The following ZFYVE28 variants were observed in gnomAD, a reference collection of about 807,000 sequenced individuals.
ZFYVE28 encodes the protein zinc finger FYVE-type containing 28, also known as lateral signaling target protein 2 homolog.
A neutral mutation model predicts 82.1 loss-of-function variants in ZFYVE28; 40 were observed. The ratio of observed to expected loss-of-function variants is 0.49; its 90% confidence interval spans 0.38 to 0.63. The LOEUF is 0.63. Among genes scored for constraint, ZFYVE28 ranks in the 30% least tolerant of loss-of-function variants. ZFYVE28 has a pLI of 0.00. For missense variants in ZFYVE28, 1,321 were observed against 1,242.1 expected, an observed-to-expected ratio of 1.06 and a Z score of -0.96; for synonymous variants, 612 against 546.1, an observed-to-expected ratio of 1.12 and a Z score of -1.68.
intron 1 of ZFYVE28, among the ~76,000 whole-genome samples, chr4:2,368,159 C>T (rs1356809243): frequency 7.3e-6 from 1 of 136,990 alleles, no homozygotes; most frequent in African/African-American, 2.8e-5. Flanking sequence ...GGGAGGAGCA[C>T]TTGAGGCCAG....
intron 7 of ZFYVE28, among the ~76,000 whole-genome samples, chr4:2,308,623 A>AAGACAGAC (rs1224983484): frequency 2.0e-5 from 2 of 98,668 alleles, no homozygotes; most frequent in African/African-American, 7.6e-5. Context: ...AGAAAGAAAG[A>AAGACAGAC]AGACAGAAAG....
At chr4:2,384,258 T>C (rs535953964) in intron 1 of ZFYVE28, among the ~76,000 whole-genome samples, 1 of 152,348 alleles carries the variant, frequency 6.6e-6, no homozygotes, top group Non-Finnish European at 1.5e-5. Flanking sequence ...AGAAACTTTC[T>C]GGAAGGAATT....
chr4:2,393,828 C>G (rs1275091587), intron 1 of ZFYVE28, among the ~76,000 whole-genome samples: 2 of 152,156 alleles, frequency 1.3e-5, no homozygotes, highest in African/African-American at 4.8e-5. Context: ...TGTGCGTGTC[C>G]CCAGGAGGCG....
At chr4:2,330,297 AAC>A (rs1163808612) in intron 6 of ZFYVE28, 13 of 988,878 alleles carry the variant, frequency 1.3e-5, no homozygotes, top group Admixed American at 5.8e-5. Flanking sequence ...AAAAATAAAT[AAC>A]AGAGTAAGTC....
intron 1 of ZFYVE28, among the ~76,000 whole-genome samples, chr4:2,379,565 C>T (rs780185963): frequency 6.6e-5 from 10 of 152,162 alleles, no homozygotes; most frequent in Non-Finnish European, 8.8e-5. Context: ...CTGACTGCCC[C>T]TCCTTAATAA....
chr4:2,379,625 C>G (rs1017495127), intron 1 of ZFYVE28, among the ~76,000 whole-genome samples: 2 of 152,186 alleles, frequency 1.3e-5, no homozygotes, highest in Admixed American at 1.3e-4. Context: ...CCTCTGCCAA[C>G]TCGAATTCAC....
At chr4:2,321,623 A>G (rs573160700) in intron 6 of ZFYVE28, among the ~76,000 whole-genome samples, 1 of 152,236 alleles carries the variant, frequency 6.6e-6, no homozygotes, top group Admixed American at 6.5e-5. Flanking sequence ...TTACCCAAAT[A>G]GAGCCTTAAC....
At chr4:2,398,639 A>G (rs1053098215) in intron 1 of ZFYVE28, among the ~76,000 whole-genome samples, 2 of 149,786 alleles carry the variant, frequency 1.3e-5, no homozygotes, top group South Asian at 2.2e-4. Context: ...TCCAGCACAC[A>G]AGGCGGGGGC....
At chr4:2,279,474 G>C (rs1711603963) in intron 8 of ZFYVE28, among the ~76,000 whole-genome samples, 1 of 151,956 alleles carries the variant, frequency 6.6e-6, no homozygotes. Flanking sequence ...AGTGAAAGAA[G>C]CCAGTCACAA....
intron 1 of ZFYVE28, among the ~76,000 whole-genome samples, chr4:2,361,958 A>T (rs1263424581): frequency 6.6e-6 from 1 of 151,984 alleles, no homozygotes; most frequent in Non-Finnish European, 1.5e-5. Context: ...GCCAGAGAGG[A>T]CCAGCCCCGC....
In ZFYVE28 at chr4:2,394,783, G is replaced by A. The variant is rs1730254421; in HGVS notation, c.39+23502C>T. The stretch of plus-strand genomic sequence containing the variant: ...GCTTCCATTACACTGTCGGCGGTCA[G>A]AGGCGTCCTCGTCCTTGCAGCAACC... On this transcript the variant is annotated intron_variant, in intron 1 of 12. Transcript: ENST00000290974. This position sits in a 1 kb window ranked among gnomAD's most constrained non-coding sequence, Gnocchi z 4.0. 6.6e-6 allele frequency among the ~76,000 whole-genome samples: 1 copy of A among 152,252 alleles called. No homozygotes were observed. The highest frequency in any genetic ancestry group is 6.5e-5 in the Admixed American group (1 of 15,290).
chr4:2,374,502 A>T (rs756354093), intron 1 of ZFYVE28, among the ~76,000 whole-genome samples: 12 of 152,168 alleles, frequency 7.9e-5, no homozygotes, highest in Admixed American at 1.3e-4. Context: ...AGTCCCAGCC[A>T]CTAGGGAGGC....
At chr4:2,272,976 C>T (rs1736048056) in intron 10 of ZFYVE28, among the ~76,000 whole-genome samples, 197 bp downstream of exon 10, 1 of 152,214 alleles carries the variant, frequency 6.6e-6, no homozygotes, top group Non-Finnish European at 1.5e-5. Context: ...TGCTGCTGTG[C>T]CCCTTGGCTC....
At chr4:2,286,962 A>T (rs899787924) in intron 8 of ZFYVE28, 2 of 152,252 alleles carry the variant, frequency 1.3e-5, no homozygotes, top group South Asian at 2.1e-4. Flanking sequence ...ACCAACTCCA[A>T]TAAATATCCT....
chr4:2,364,228 AC>A (rs1466466005), intron 1 of ZFYVE28, among the ~76,000 whole-genome samples: 1 of 151,994 alleles, frequency 6.6e-6, no homozygotes, highest in Non-Finnish European at 1.5e-5. Context: ...AACTCTGCCC[AC>A]CCGGCCTGGC....
chr4:2,298,095 CAG>C (rs1425347579), intron 8 of ZFYVE28, among the ~76,000 whole-genome samples: 2 of 141,768 alleles, frequency 1.4e-5, no homozygotes, highest in East Asian at 4.2e-4. Context: ...CGAGTGGTGA[CAG>C]TGGGGTGACA....
intron 1 of ZFYVE28, among the ~76,000 whole-genome samples, chr4:2,404,328 A>AAC (rs1731568852): frequency 5.2e-5 from 2 of 38,186 alleles, no homozygotes; most frequent in Admixed American, 6.9e-4. Context: ...AAAAAAAAAA[A>AAC]CGCTGAAGAT....
rs542649525 is a variant in ZFYVE28, at chr4:2,316,730, T to C, written c.803+3440A>G. ...TTTTTTGAGATGGAGTCTCGCTCTGTAGCCCAGGCTGGAGTGGAGTGGTGC... is the reference window on the plus strand; with the variant it reads ...TTTTTTGAGATGGAGTCTCGCTCTGCAGCCCAGGCTGGAGTGGAGTGGTGC... On this transcript the variant is annotated intron_variant, in intron 7 of 12. Transcript: ENST00000290974. 2.0e-5 allele frequency among the ~76,000 whole-genome samples: 3 copies of C among 152,074 alleles called. No individual in the cohort carries two copies. In the South Asian group the frequency reaches 6.2e-4, roughly 32 times the overall value.
At chr4:2,303,899 G>A (rs1013221607) in intron 8 of ZFYVE28, among the ~76,000 whole-genome samples, 1 of 152,240 alleles carries the variant, frequency 6.6e-6, no homozygotes, top group Non-Finnish European at 1.5e-5. Flanking sequence ...CAGGGCAAGG[G>A]GCCCGGCGCT....
Sources: allele counts gnomAD v4.1 joint callset (sites outside exome capture counted in the v4.1 genomes callset), GRCh38; gene constraint gnomAD v4.1.1; non-coding constraint Gnocchi (gnomAD v3.1); transcripts MANE v1.5; gene names NCBI Gene and HGNC (gene_info 2026-07-23, HGNC 2026-07-21).